The following FBXL16 variants were observed in gnomAD, a reference collection of about 807,000 sequenced individuals.
FBXL16 encodes F-box/LRR-repeat protein 16.
Under a neutral mutation model 36.7 loss-of-function variants are expected in FBXL16, and 7 were observed. That is an observed-to-expected ratio of 0.19 (90% CI 0.11 to 0.36). The LOEUF is 0.36. Ranked by LOEUF, FBXL16 falls within the 10% of genes least tolerant of loss-of-function variation. The pLI, the probability that FBXL16 is intolerant of heterozygous loss-of-function variation, is 1.00. For synonymous variants in FBXL16, 355 were observed against 308.7 expected, an observed-to-expected ratio of 1.15 and a Z score of -1.57; for missense variants, 463 against 659.4, an observed-to-expected ratio of 0.70 and a Z score of 3.26.
At chr16:695,209 C>T in intron 3 of FBXL16, 133 bp from the exon 4 acceptor site, 2 of 1,185,184 alleles carry the variant, frequency 1.7e-6, no homozygotes, top group Non-Finnish European at 2.3e-6. Flanking sequence ...TCCTCGCTCC[C>T]ACCCACCGGG....
intron 1 of FBXL16, among the ~76,000 whole-genome samples, chr16:704,082 A>G (rs1383068151): frequency 6.6e-6 from 1 of 152,152 alleles, no homozygotes; most frequent in Non-Finnish European, 1.5e-5. Context: ...TTCACTGCCA[A>G]TCCAGTCATG....
At position 694,388 on chromosome 16, in the gene FBXL16, G is replaced by T. The variant is rs768934814; in HGVS notation, c.1327C>A (p.Leu443Met). The change falls in exon 6 of 6, where the codon CTG (leucine) becomes ATG (methionine). Residue 443 changes from leucine (L) to methionine (M), a missense_variant. Around this residue, in one of 3 missense-constraint regions of FBXL16, gnomAD observed 134 missense variants for 172.0 expected, o/e 0.78. Coordinates refer to ENST00000397621, the MANE Select transcript of FBXL16 (RefSeq NM_153350.4). ...PLLTTTGLSG[L>M]VQLQELEELE... ...TCCTCCAGCTCCTGCAGCTGCACCA[G>T]GCCCGACAGCCCGGTGGTGGTGAGC... 1.3e-6 allele frequency: 2 copies of T among 1,545,236 alleles called. No homozygotes were observed. The highest frequency in any genetic ancestry group is 5.0e-5 in the East Asian group (2 of 39,758).
intron 1 of FBXL16, among the ~76,000 whole-genome samples, chr16:702,942 C>T (rs1485369722): frequency 6.6e-6 from 1 of 152,268 alleles, no homozygotes; most frequent in Non-Finnish European, 1.5e-5. Flanking sequence ...CTCTCCCTGG[C>T]ACCACACGCA....
At chr16:703,615 C>T (rs567351487) in intron 1 of FBXL16, among the ~76,000 whole-genome samples, 6 of 152,194 alleles carry the variant, frequency 3.9e-5, no homozygotes, top group Middle Eastern at 3.4e-3. Flanking sequence ...CAGGCACACC[C>T]GCGTCCCTGC....
chr16:694,740 C>T lies in FBXL16; in HGVS notation c.1228-43G>A, dbSNP rs377317985. The T allele has an allele frequency of 1.9e-5, 29 of 1,560,780 alleles. No homozygotes were observed. In the African/African-American group the frequency reaches 3.9e-4, roughly 21 times the overall value. On this transcript the variant is annotated intron_variant, in intron 4 of 5. Coordinates refer to ENST00000397621, the MANE Select transcript of FBXL16 (RefSeq NM_153350.4). ...GCGACTTAACGATTTCCGCTCGCAC[C>T]GAGGCGGAGGGCACCCTGGGGTCCA...
Position 694,570 on chromosome 16 carries a change from G to C in FBXL16, c.1291+64C>G, listed in dbSNP as rs528394512. The C allele has an allele frequency of 1.3e-4, 201 of 1,545,654 alleles. No homozygotes were observed. The African/African-American group carries it at 2.5e-3, about 20-fold the overall frequency. On this transcript the variant is annotated intron_variant, in intron 5 of 5. Coordinates refer to ENST00000397621, the MANE Select transcript of FBXL16 (RefSeq NM_153350.4). ...GTTTGCACAAGGACCGGGCAGGTTG[G>C]GCGGGTGGACTAAGTGGGGGTGGGT...
intron 1 of FBXL16, among the ~76,000 whole-genome samples, chr16:701,318 G>C (rs1348644741): frequency 1.3e-5 from 2 of 152,198 alleles, no homozygotes; most frequent in African/African-American, 4.8e-5. Context: ...CCCTCGACCC[G>C]TGTGCTTGGT....
chr16:696,750 T>TC (rs761357145), intron 2 of FBXL16, 23 bp downstream of exon 2: 20 of 652,318 alleles, frequency 3.1e-5, no homozygotes, highest in Middle Eastern at 3.1e-4. Context: ...CCCAGCCCTG[T>TC]CCCCCCCGAG....
chr16:701,944 C>G (rs965378990), intron 1 of FBXL16, among the ~76,000 whole-genome samples: 3 of 152,206 alleles, frequency 2.0e-5, no homozygotes, highest in African/African-American at 7.2e-5. Context: ...CCTCAGCAGC[C>G]TGAGCCTGGC....
chr16:699,663 C>T (rs2040041414), intron 1 of FBXL16, among the ~76,000 whole-genome samples: 1 of 152,204 alleles, frequency 6.6e-6, no homozygotes, highest in Non-Finnish European at 1.5e-5. Context: ...AAGCAAGATG[C>T]ATCTTCCCCG....
chr16:700,550 G>A (rs1003717025), intron 1 of FBXL16, among the ~76,000 whole-genome samples: 1 of 152,314 alleles, frequency 6.6e-6, no homozygotes, highest in Non-Finnish European at 1.5e-5. Context: ...TTTGCCCCAG[G>A]TGTCCGGGGA....
chr16:694,409 T>C lies in FBXL16; in HGVS notation c.1306A>G (p.Thr436Ala). ...LLSLAGCPLL[T>A]TTGLSGLVQL... ...ACCAGGCCCGACAGCCCGGTGGTGG[T>C]GAGCAGCGGGCAGCCTGCGGCGGGG... The change falls in exon 6 of 6, where the codon ACC becomes GCC. Residue 436 changes from threonine to alanine, a missense_variant. Thr to Ala is a moderately conservative substitution (Grantham distance 58). Around this residue, in one of 3 missense-constraint regions of FBXL16, gnomAD observed 134 missense variants for 172.0 expected, o/e 0.78. Transcript: ENST00000397621. 1 of 1,549,962 alleles carries C rather than the reference T, an allele frequency of 6.5e-7. No individual in the cohort carries two copies.
rs1352267832 is a variant in FBXL16 at position 705,655 on chromosome 16, C to G, written c.-158G>C. ...CCGGCCGCGCCCTGCGCCCCGCGTC[C>G]CGTCCTGGCCGGGCCCCCTCGGCAG... On this transcript the variant is annotated 5_prime_UTR_variant, in exon 1 of 6. Coordinates refer to ENST00000397621, the MANE Select transcript of FBXL16 (RefSeq NM_153350.4). The G allele has an allele frequency of 1.3e-5, 2 of 148,794 alleles. No homozygotes were observed. The highest frequency in any genetic ancestry group is 1.3e-4 in the Admixed American group (2 of 15,028). The allele number at this position is 148,794 out of a possible 1,614,324, so 9.2% of individuals were successfully genotyped here.
At chr16:702,805 C>T (rs937772521) in intron 1 of FBXL16, among the ~76,000 whole-genome samples, 5 of 152,312 alleles carry the variant, frequency 3.3e-5, no homozygotes, top group South Asian at 2.1e-4. Context: ...ACAGAGCCTT[C>T]GGATGAGGAG....
chr16:696,001 C>A, intron 2 of FBXL16, 78 bp from the exon 3 acceptor site: 1 of 1,489,508 alleles, frequency 6.7e-7, no homozygotes, highest in African/African-American at 1.4e-5. Flanking sequence ...AGGGTGTAAA[C>A]ATGCAGGGAG....
intron 1 of FBXL16, among the ~76,000 whole-genome samples, chr16:702,810 G>T (rs907441671): frequency 6.6e-6 from 1 of 152,222 alleles, no homozygotes; most frequent in African/African-American, 2.4e-5. Flanking sequence ...GCCTTCGGAT[G>T]AGGAGGGCCC....
rs1422918076 is a variant in FBXL16 at position 695,939 on chromosome 16, C to T, written c.634-16G>A. 7.7e-6 allele frequency: 12 copies of T among 1,562,058 alleles called. No individual in the cohort carries two copies. The highest frequency in any genetic ancestry group is 6.8e-5 in the East Asian group (3 of 44,104). ...CAAGCATAACCTGCAGGCGGGCGGGCGCCGGGTCAGGATTGCAGGAGAAGG... is the reference window on the plus strand; with the variant it reads ...CAAGCATAACCTGCAGGCGGGCGGGTGCCGGGTCAGGATTGCAGGAGAAGG... On this transcript the variant is annotated splice_polypyrimidine_tract_variant and intron_variant, in intron 2 of 5. Coordinates refer to ENST00000397621, the MANE Select transcript of FBXL16 (RefSeq NM_153350.4).
intron 1 of FBXL16, among the ~76,000 whole-genome samples, chr16:702,601 G>A (rs904951486): frequency 9.2e-5 from 14 of 152,244 alleles, no homozygotes; most frequent in African/African-American, 2.9e-4. Flanking sequence ...CAAGGCCCCC[G>A]GAGGGCTGAT....
At position 697,375 on chromosome 16, in the gene FBXL16, T is replaced by G. The variant is rs1442074827; in HGVS notation, c.31A>C (p.Lys11Gln). The G allele has an allele frequency of 1.3e-6, 2 of 1,536,372 alleles. No individual in the cohort carries two copies. Among genetic ancestry groups the G allele is most frequent in the East Asian group, 2.4e-5 (1 of 40,934 alleles). Reference protein sequence around the residue: MSSPGIDGDPKPPCLPRNGLV... With the variant: MSSPGIDGDPQPPCLPRNGLV... ...CCGTTTCGAGGCAAGCATGGAGGCT[T>G]GGGGTCGCCGTCGATGCCCGGGCTC... The change falls in exon 2 of 6, where the codon AAG becomes CAG. Residue 11 changes from lysine to glutamine, a missense_variant. Lys to Gln is a moderately conservative substitution (Grantham distance 53, BLOSUM62 1). Transcript: ENST00000397621. The surrounding 1 kb of genome is among the most constrained non-coding windows in gnomAD (Gnocchi z 4.6).
Sources: allele counts gnomAD v4.1 joint callset (sites outside exome capture counted in the v4.1 genomes callset), GRCh38; gene constraint gnomAD v4.1.1; regional missense constraint gnomAD v4.1.1; non-coding constraint Gnocchi (gnomAD v3.1); transcripts MANE v1.5; gene names NCBI Gene and HGNC (gene_info 2026-07-23, HGNC 2026-07-21).